SMAD1: variants seen among roughly 807,000 people sequenced by gnomAD.
The protein encoded by SMAD1 is SMAD family member 1.
A neutral mutation model predicts 41.6 loss-of-function variants in SMAD1; 6 were observed. The observed-to-expected ratio is 0.14, with a 90% CI of 0.08 to 0.28. SMAD1 has a LOEUF of 0.28. Among genes scored for constraint, SMAD1 ranks in the 10% least tolerant of loss-of-function variants. SMAD1 has a pLI of 1.00. For missense variants in SMAD1, 379 were observed against 582.6 expected, an observed-to-expected ratio of 0.65 and a Z score of 3.60; for synonymous variants, 206 against 203.2, an observed-to-expected ratio of 1.01 and a Z score of -0.12.
At chr4:145,489,322 T>C (rs1021023587) in intron 1 of SMAD1, among the ~76,000 whole-genome samples, 1 of 151,994 alleles carries the variant, frequency 6.6e-6, no homozygotes, top group Admixed American at 6.6e-5. Flanking sequence ...TAAGGAAACA[T>C]TGGGAAGTCA....
Position 145,558,092 on chromosome 4 carries a change from A to AC in SMAD1, c.*158_*159insC, listed in dbSNP as rs1363016640. On this transcript the variant is annotated 3_prime_UTR_variant, in exon 7 of 7. Coordinates refer to ENST00000302085, the MANE Select transcript of SMAD1 (RefSeq NM_005900.3). Reference sequence around the variant, plus strand: ...CAGAAATTTAAACAAAAAAAAAAAAAAACACACACACCTTGGTAACATACT... The same window carrying AC: ...CAGAAATTTAAACAAAAAAAAAAAAACAACACACACACCTTGGTAACATACT... 2 of 411,104 alleles carry AC rather than the reference A, an allele frequency of 4.9e-6. No homozygotes were observed. Among genetic ancestry groups the AC allele is most frequent in the South Asian group, 1.4e-4 (2 of 13,904 alleles). 25.5% of individuals were successfully genotyped at this position (411,104 alleles called of 1,614,324 possible).
intron 2 of SMAD1, among the ~76,000 whole-genome samples, chr4:145,531,509 C>T (rs1731316046): frequency 6.6e-6 from 1 of 152,130 alleles, no homozygotes; most frequent in South Asian, 2.1e-4. Context: ...TCCTGAGATT[C>T]AACTTAGATG....
chr4:145,533,921 G>A (rs1301035090), intron 2 of SMAD1, among the ~76,000 whole-genome samples: 1 of 152,092 alleles, frequency 6.6e-6, no homozygotes, highest in East Asian at 1.9e-4. Context: ...ATATATTGAA[G>A]CCCTAACCCC....
chr4:145,532,675 T>A (rs1204980477), intron 2 of SMAD1, among the ~76,000 whole-genome samples: 1 of 152,172 alleles, frequency 6.6e-6, no homozygotes, highest in Admixed American at 6.5e-5. Flanking sequence ...TATTTTGAAG[T>A]TACCAAACAA....
chr4:145,520,776 T>C (rs1730704083), intron 2 of SMAD1, among the ~76,000 whole-genome samples: 1 of 152,192 alleles, frequency 6.6e-6, no homozygotes, highest in Non-Finnish European at 1.5e-5. Context: ...CTCTATCTCT[T>C]TGACAAAAGT....
At chr4:145,542,195 C>A (rs1731984774) in intron 3 of SMAD1, among the ~76,000 whole-genome samples, 1 of 152,214 alleles carries the variant, frequency 6.6e-6, no homozygotes, top group Admixed American at 6.5e-5. Flanking sequence ...TTAAGAAGTC[C>A]AGTGAAGCTT....
chr4:145,524,111 A>G (rs1297676184), intron 2 of SMAD1, among the ~76,000 whole-genome samples: 1 of 152,170 alleles, frequency 6.6e-6, no homozygotes, highest in African/African-American at 2.4e-5. Context: ...TTAGATTTCT[A>G]TCCACACAGC....
At position 145,557,990 on chromosome 4, in the gene SMAD1, A is replaced by T; in HGVS notation, c.*56A>T. 1 of 1,364,236 alleles carries T rather than the reference A, an allele frequency of 7.3e-7. No individual in the cohort carries two copies. Among genetic ancestry groups the T allele is most frequent in the African/African-American group, 1.4e-5 (1 of 70,208 alleles). 84.5% of individuals were successfully genotyped at this position (1,364,236 alleles called of 1,614,324 possible). A position where few individuals can be genotyped will look rare whatever the true frequency, so the allele number is the denominator to read the frequency against. ...ATTGAGCCTTGCATGTACTTGAAGG[A>T]TGGATGAGTCAGACACGATTGAGAA... On this transcript the variant is annotated 3_prime_UTR_variant, in exon 7 of 7. Transcript: ENST00000302085.
chr4:145,490,581 GAGATAAGACTCTAGAGTC>G (rs1361051105), intron 1 of SMAD1, among the ~76,000 whole-genome samples: 1 of 152,196 alleles, frequency 6.6e-6, no homozygotes, highest in Non-Finnish European at 1.5e-5. Flanking sequence ...AATGGGTTCA[GAGATAAGACTCTAGAGTC>G]AGATTGCCTG....
At chr4:145,551,222 A>T (rs367549838) in intron 5 of SMAD1, among the ~76,000 whole-genome samples, 12 of 152,242 alleles carry the variant, frequency 7.9e-5, no homozygotes, top group African/African-American at 2.9e-4. Flanking sequence ...AATGTATGTT[A>T]AATGAAGCAT....
chr4:145,543,738 C>G lies in SMAD1; in HGVS notation c.775+1040C>G, dbSNP rs1218058863. Among the ~76,000 whole-genome samples, 6 of 152,290 alleles carry G rather than the reference C, an allele frequency of 3.9e-5. No individual in the cohort carries two copies. In the South Asian group the frequency reaches 6.2e-4, roughly 16 times the overall value. On this transcript the variant is annotated intron_variant, in intron 4 of 6. Coordinates refer to ENST00000302085, the MANE Select transcript of SMAD1 (RefSeq NM_005900.3). ...CTCAGGTAAATAAGTTCGGTAGACT[C>G]TCTGAGAAATCTGTTAGAATCCACA... is the stretch of plus-strand genomic sequence containing the variant.
At chr4:145,550,954 C>T (rs1732525915) in intron 5 of SMAD1, among the ~76,000 whole-genome samples, 1 of 152,094 alleles carries the variant, frequency 6.6e-6, no homozygotes, top group East Asian at 1.9e-4. Flanking sequence ...ATATTAATTC[C>T]ATCTAATTTA....
At position 145,546,724 on chromosome 4, in the gene SMAD1, A is replaced by G. The variant is rs1381047432; in HGVS notation, c.797A>G (p.Glu266Gly). The change falls in exon 5 of 7, where the codon GAG becomes GGG. Residue 266 changes from glutamate (E) to glycine (G), a missense_variant. Coordinates refer to ENST00000302085, the MANE Select transcript of SMAD1 (RefSeq NM_005900.3). ...CTAGATGTTCAGGCGGTTGCTTATG[A>G]GGAACCAAAACACTGGTGCTCTATT... ...NRGDVQAVAY[E>G]EPKHWCSIVY... 1.2e-6 allele frequency: 2 copies of G among 1,613,422 alleles called. No individual in the cohort carries two copies. The highest frequency in any genetic ancestry group is 1.7e-6 in the Non-Finnish European group (2 of 1,179,932).
Position 145,514,574 on chromosome 4 carries a change from TA to T in SMAD1, c.-39del. 2 of 1,519,910 alleles carry T rather than the reference TA, an allele frequency of 1.3e-6. No homozygotes were observed. Among genetic ancestry groups the T allele is most frequent in the Non-Finnish European group, 1.8e-6 (2 of 1,133,290 alleles). The allele number at this position is 1,519,910 out of a possible 1,614,324, so 94.2% of individuals were successfully genotyped here. A position where few individuals can be genotyped will look rare whatever the true frequency, so the allele number is the denominator to read the frequency against. On this transcript the variant is annotated 5_prime_UTR_variant, in exon 2 of 7. Coordinates refer to ENST00000302085, the MANE Select transcript of SMAD1 (RefSeq NM_005900.3). The surrounding 1 kb of genome is among the most constrained non-coding windows in gnomAD (Gnocchi z 4.7). ...GTCCTTTTGCATTTGGAGACAGCTT[TA>T]TTTCACCATATCCAAGGAGTATAAC...
chr4:145,486,917 C>T (rs1447241266), intron 1 of SMAD1, among the ~76,000 whole-genome samples: 6 of 151,992 alleles, frequency 3.9e-5, no homozygotes, highest in Non-Finnish European at 5.9e-5. Context: ...ACCACGCTCA[C>T]GATATTTCTG....
chr4:145,495,468 G>T (rs1298182157), intron 1 of SMAD1, among the ~76,000 whole-genome samples: 1 of 152,038 alleles, frequency 6.6e-6, no homozygotes, highest in Non-Finnish European at 1.5e-5. Flanking sequence ...ATACCTGAAA[G>T]ATTCCTTTAA....
chr4:145,557,677 G>C, intron 6 of SMAD1, 114 bp from the exon 7 acceptor site: 2 of 743,074 alleles, frequency 2.7e-6, no homozygotes, highest in South Asian at 6.6e-5. Context: ...GGGGGGTCAG[G>C]GAGGAAAGAT....
intron 1 of SMAD1, among the ~76,000 whole-genome samples, chr4:145,502,615 A>G (rs771003770): frequency 2.3e-4 from 35 of 152,248 alleles, no homozygotes; most frequent in Non-Finnish European, 4.6e-4. Flanking sequence ...CTCTTTTTAA[A>G]GAATTTTCTG....
At chr4:145,554,948 AG>A (rs1732757378) in intron 6 of SMAD1, among the ~76,000 whole-genome samples, 1 of 152,206 alleles carries the variant, frequency 6.6e-6, no homozygotes, top group African/African-American at 2.4e-5. Context: ...TTTATTACTG[AG>A]GATAATTTTG....
Sources: allele counts gnomAD v4.1 joint callset (sites outside exome capture counted in the v4.1 genomes callset), GRCh38; gene constraint gnomAD v4.1.1; non-coding constraint Gnocchi (gnomAD v3.1); transcripts MANE v1.5; gene names NCBI Gene and HGNC (gene_info 2026-07-23, HGNC 2026-07-21).